SVOPL: variants seen among roughly 807,000 people sequenced by gnomAD.
SVOPL encodes putative transporter SVOPL.
In SVOPL, 60 loss-of-function variants were observed where a neutral mutation model predicts 61.0. That is an observed-to-expected ratio of 0.98 (90% CI 0.80 to 1.22). The LOEUF is 1.22. SVOPL is among the 50% of genes most tolerant of loss of function. SVOPL has a pLI of 0.00. For synonymous variants in SVOPL, 279 were observed against 250.0 expected, an observed-to-expected ratio of 1.12 and a Z score of -1.09; for missense variants, 662 against 643.9, an observed-to-expected ratio of 1.03 and a Z score of -0.30.
intron 3 of SVOPL, among the ~76,000 whole-genome samples, chr7:138,675,935 T>C (rs1802548808): frequency 6.6e-6 from 1 of 152,084 alleles, no homozygotes; most frequent in Non-Finnish European, 1.5e-5. Flanking sequence ...GCCTCCCAGG[T>C]TCAAGTTATT....
intron 3 of SVOPL, among the ~76,000 whole-genome samples, chr7:138,673,867 T>G (rs1802489576): frequency 6.6e-6 from 1 of 152,128 alleles, no homozygotes; most frequent in African/African-American, 2.4e-5. Flanking sequence ...AGCTTCACTC[T>G]AGACCTCAGG....
intron 4 of SVOPL, among the ~76,000 whole-genome samples, chr7:138,664,894 C>A: frequency 1.0e-5 from 1 of 98,908 alleles, no homozygotes. Flanking sequence ...TAACCCTGAC[C>A]CTTCCCCCAA....
chr7:138,656,512 C>G lies in SVOPL; in HGVS notation c.471-1G>C. On this transcript the variant is annotated splice_acceptor_variant, in intron 6 of 15. Transcript: ENST00000674285. LOFTEE classifies it high-confidence loss of function. ...CAAAAATTCAGTCTTTATGATTAAC[C>G]TAAACAGGAAGCAGGAAAAAGCATA... The G allele has an allele frequency of 6.2e-7, 1 of 1,613,734 alleles. No individual in the cohort carries two copies. The highest frequency in any genetic ancestry group is 1.1e-5 in the South Asian group (1 of 91,018).
chr7:138,651,832 T>C (rs1465620289), intron 7 of SVOPL, among the ~76,000 whole-genome samples: 1 of 152,172 alleles, frequency 6.6e-6, no homozygotes, highest in Non-Finnish European at 1.5e-5. Context: ...GATACAACAG[T>C]ATTGAAATTT....
intron 14 of SVOPL, among the ~76,000 whole-genome samples, chr7:138,602,441 C>CTATATATATATA (rs59400217): frequency 2.7e-3 from 384 of 140,494 alleles, no homozygotes; most frequent in Middle Eastern, 0.015. Context: ...AAGGCAGTTG[C>CTATATATATATA]TATATATATA....
At chr7:138,699,265 T>C (rs1355453940) in intron 1 of SVOPL, among the ~76,000 whole-genome samples, 5 of 151,914 alleles carry the variant, frequency 3.3e-5, no homozygotes, top group Middle Eastern at 3.2e-3. Flanking sequence ...GATTGTGCCA[T>C]TGCACTCCAT....
At chr7:138,636,096 T>A (rs1800456321) in intron 9 of SVOPL, among the ~76,000 whole-genome samples, 1 of 152,058 alleles carries the variant, frequency 6.6e-6, no homozygotes, top group Non-Finnish European at 1.5e-5. Context: ...ACCCAGCTAA[T>A]TTTTTGTATT....
intron 9 of SVOPL, among the ~76,000 whole-genome samples, chr7:138,631,637 T>G (rs1363537089): frequency 6.6e-6 from 1 of 152,060 alleles, no homozygotes; most frequent in Admixed American, 6.6e-5. Flanking sequence ...GGCGTGATCT[T>G]GGCTCACTGC....
At chr7:138,660,184 C>A in intron 5 of SVOPL, 196 bp from the exon 6 acceptor site, 3 of 1,348,478 alleles carry the variant, frequency 2.2e-6, no homozygotes, top group Non-Finnish European at 2.9e-6. Context: ...AAGCCCAGAC[C>A]TACCAAGTTC....
chr7:138,666,062 G>T (rs1356914463), intron 4 of SVOPL, among the ~76,000 whole-genome samples: 3 of 152,198 alleles, frequency 2.0e-5, no homozygotes, highest in Non-Finnish European at 4.4e-5. Context: ...ACAATACCCA[G>T]CCTGTTCTAC....
intron 14 of SVOPL, among the ~76,000 whole-genome samples, chr7:138,618,647 CGA>C (rs1799407975): frequency 6.7e-6 from 1 of 149,598 alleles, no homozygotes; most frequent in Non-Finnish European, 1.5e-5. Context: ...GGTGACAGAG[CGA>C]GACAGAGAGA....
chr7:138,697,690 G>GAAGAAGAGGAAGAAGGAT (rs1192479946), intron 1 of SVOPL, among the ~76,000 whole-genome samples: 1 of 147,992 alleles, frequency 6.8e-6, no homozygotes, highest in African/African-American at 2.5e-5. Flanking sequence ...AGAAGAGGAA[G>GAAGAAGAGGAAGAAGGAT]AAGAAGAGGA....
At chr7:138,664,003 G>A (rs897354920) in intron 4 of SVOPL, among the ~76,000 whole-genome samples, 1 of 151,918 alleles carries the variant, frequency 6.6e-6, no homozygotes, top group African/African-American at 2.4e-5. Flanking sequence ...ATTCTTGCAC[G>A]ACAAAAGCCA....
chr7:138,658,312 T>C (rs1801845450), intron 6 of SVOPL, among the ~76,000 whole-genome samples: 1 of 151,660 alleles, frequency 6.6e-6, no homozygotes, highest in Admixed American at 6.6e-5. Flanking sequence ...ACAAGAGGAG[T>C]CTTAAATCAT....
intron 14 of SVOPL, among the ~76,000 whole-genome samples, chr7:138,599,141 CA>C (rs71520007): frequency 2.4e-3 from 67 of 28,150 alleles, no homozygotes; most frequent in African/African-American, 0.016. Context: ...GATCCGTCTC[CA>C]AAAAAAAAAA....
chr7:138,619,991 AGAG>A (rs1799478638), intron 14 of SVOPL, among the ~76,000 whole-genome samples: 2 of 152,074 alleles, frequency 1.3e-5, no homozygotes, highest in Non-Finnish European at 2.9e-5. Context: ...AGACAGAGAA[AGAG>A]GACAGAGCCT....
intron 4 of SVOPL, among the ~76,000 whole-genome samples, chr7:138,669,818 T>C (rs1017485174): frequency 1.3e-5 from 2 of 152,220 alleles, no homozygotes; most frequent in African/African-American, 4.8e-5. Context: ...AATAAAATTT[T>C]GTATGCCTTT....
At chr7:138,675,891 TGCAGTGAC>T in intron 3 of SVOPL, among the ~76,000 whole-genome samples, 1 of 152,228 alleles carries the variant, frequency 6.6e-6, no homozygotes, top group Non-Finnish European at 1.5e-5. Context: ...CAGGCTGGAG[TGCAGTGAC>T]GCAATCTAAG....
At chr7:138,669,401 C>G (rs1185132394) in intron 4 of SVOPL, among the ~76,000 whole-genome samples, 1 of 152,104 alleles carries the variant, frequency 6.6e-6, no homozygotes, top group Non-Finnish European at 1.5e-5. Flanking sequence ...GAGGGAGACT[C>G]TGTTTCAACA....
Sources: gnomAD v4.1 joint callset for allele counts (sites outside exome capture counted in the v4.1 genomes callset) on GRCh38, gnomAD v4.1.1 for gene constraint, MANE v1.5 for transcripts, NCBI Gene and HGNC (gene_info 2026-07-23, HGNC 2026-07-21) for gene names.